Variants in PTPRD observed in about 807,000 individuals in gnomAD.
PTPRD encodes the protein receptor-type tyrosine-protein phosphatase delta.
PTPRD carries 34 observed loss-of-function variants against 214.5 expected under a neutral mutation model. That is an observed-to-expected ratio of 0.16 (90% confidence interval 0.12 to 0.21). PTPRD has a LOEUF of 0.21. PTPRD is among the 10% of genes least tolerant of loss of function. The pLI, the probability that PTPRD is intolerant of heterozygous loss-of-function variation, is 1.00. For missense variants in PTPRD, 2,545 were observed against 2,398.7 expected (o/e 1.06, Z -1.27); for synonymous variants, 1,128 against 845.7 (o/e 1.33, Z -5.79).
intron 3 of PTPRD, among the ~76,000 whole-genome samples, chr9:10,136,373 CG>C (rs1564047692): frequency 6.6e-6 from 1 of 151,988 alleles, no homozygotes; most frequent in African/African-American, 2.4e-5. Context: ...CGACACTTGA[CG>C]AATTGTTCCT....
At chr9:9,516,672 G>C (rs1439244578) in intron 8 of PTPRD, among the ~76,000 whole-genome samples, 1 of 151,956 alleles carries the variant, frequency 6.6e-6, no homozygotes, top group African/African-American at 2.4e-5. Flanking sequence ...TCAGTAGCTG[G>C]GACTACAGGC....
chr9:10,583,708 G>A lies in PTPRD; in HGVS notation c.-600+28690C>T, dbSNP rs368427209. ...TTAGTCAGGATGGTCTCGATCTCCT[G>A]ACCTCGTGATGCGCCTGCCTCGGCC... On this transcript the variant is annotated intron_variant, in intron 2 of 45. Transcript: ENST00000381196. Among the ~76,000 whole-genome samples, 19 of 151,994 alleles carry A rather than the reference G, an allele frequency of 1.3e-4. No individual in the cohort carries two copies. The East Asian group carries it at 2.3e-3, about 19-fold the overall frequency.
At chr9:9,474,076 T>A (rs956075293) in intron 8 of PTPRD, among the ~76,000 whole-genome samples, 1 of 152,058 alleles carries the variant, frequency 6.6e-6, no homozygotes, top group African/African-American at 2.4e-5. Context: ...TTACTTCTAG[T>A]GGTTTTATAG....
intron 10 of PTPRD, among the ~76,000 whole-genome samples, chr9:9,069,532 T>C (rs895465289): frequency 1.3e-5 from 2 of 152,126 alleles, no homozygotes; most frequent in African/African-American, 4.8e-5. Flanking sequence ...AGAGTTATCA[T>C]GATGCTACCT....
chr9:10,378,741 A>G (rs988935494), intron 2 of PTPRD, among the ~76,000 whole-genome samples: 1 of 152,030 alleles, frequency 6.6e-6, no homozygotes, highest in Non-Finnish European at 1.5e-5. Context: ...ATTTGAAGTC[A>G]GGTAATGTGA....
At chr9:8,852,565 G>A (rs568926159) in intron 11 of PTPRD, among the ~76,000 whole-genome samples, 1 of 152,194 alleles carries the variant, frequency 6.6e-6, no homozygotes, top group African/African-American at 2.4e-5. Context: ...TTTGCTCGTC[G>A]CAGGTGAAGA....
rs572366502 is a variant in PTPRD, at chr9:9,753,029, C to T, written c.-326+13781G>A. 5.9e-5 allele frequency among the ~76,000 whole-genome samples: 9 copies of T among 152,192 alleles called. No individual in the cohort carries two copies. In the South Asian group the frequency reaches 1.9e-3, roughly 32 times the overall value. ...ATTAAAACAAGCTGCCCCCTTTTCA[C>T]CTCTGGTGTGCTCTGCTTTTAAGTA... On this transcript the variant is annotated intron_variant, in intron 6 of 45. Coordinates refer to ENST00000381196, the MANE Select transcript of PTPRD (RefSeq NM_002839.4).
chr9:8,622,650 G>C (rs940360412), intron 14 of PTPRD, among the ~76,000 whole-genome samples: 2 of 151,890 alleles, frequency 1.3e-5, no homozygotes, highest in Non-Finnish European at 2.9e-5. Flanking sequence ...TCCTGGACTA[G>C]AGAGAGCTAG....
intron 8 of PTPRD, among the ~76,000 whole-genome samples, chr9:9,436,007 G>C (rs1168294092): frequency 1.3e-5 from 2 of 152,028 alleles, no homozygotes; most frequent in African/African-American, 2.4e-5. Flanking sequence ...TCACTTTCCT[G>C]TAGATATATA....
chr9:8,688,564 CAA>C (rs547442943), intron 12 of PTPRD, among the ~76,000 whole-genome samples: 9 of 75,992 alleles, frequency 1.2e-4, no homozygotes, highest in Admixed American at 1.4e-4. Flanking sequence ...GACTCTGTCT[CAA>C]AAAAAAAAAA....
intron 8 of PTPRD, among the ~76,000 whole-genome samples, chr9:9,417,771 A>G (rs2077421445): frequency 6.6e-6 from 1 of 152,108 alleles, no homozygotes; most frequent in South Asian, 2.1e-4. Context: ...GTCATCTATA[A>G]AATGAGATCA....
At chr9:10,555,982 T>C (rs2062488630) in intron 2 of PTPRD, among the ~76,000 whole-genome samples, 1 of 152,256 alleles carries the variant, frequency 6.6e-6, no homozygotes, top group Non-Finnish European at 1.5e-5. Flanking sequence ...AATAGCATAG[T>C]TGATGAGAAT....
intron 4 of PTPRD, among the ~76,000 whole-genome samples, chr9:10,025,255 A>G (rs1429008635): frequency 6.6e-6 from 1 of 152,142 alleles, no homozygotes; most frequent in African/African-American, 2.4e-5. Flanking sequence ...CAACAGTGTA[A>G]AAGTGTTCCT....
At chr9:9,719,115 C>G (rs1479428243) in intron 7 of PTPRD, among the ~76,000 whole-genome samples, 1 of 152,148 alleles carries the variant, frequency 6.6e-6, no homozygotes, top group Non-Finnish European at 1.5e-5. Flanking sequence ...ACTGACAAAA[C>G]AGCATGCACT....
At chr9:10,033,263 A>G (rs1481685005) in intron 4 of PTPRD, among the ~76,000 whole-genome samples, 1 of 151,874 alleles carries the variant, frequency 6.6e-6, no homozygotes, top group Non-Finnish European at 1.5e-5. Context: ...GAGAGAAACA[A>G]TGCATTGAAA....
chr9:8,316,160 G>T lies in PTPRD; in HGVS notation c.*1714C>A. On this transcript the variant is annotated 3_prime_UTR_variant, in exon 46 of 46. Transcript: ENST00000381196. ...GGGCCCTGATTATCCAAGTGCTTTG[G>T]GCTGGTACAATCACTAACATCCCCG... 1 of 229,892 alleles carries T rather than the reference G, an allele frequency of 4.3e-6. No homozygotes were observed. 14.2% of individuals were successfully genotyped at this position (229,892 alleles called of 1,614,324 possible). A position where few individuals can be genotyped will look rare whatever the true frequency, so the allele number is the denominator to read the frequency against.
chr9:10,299,157 T>C (rs1484793367), intron 3 of PTPRD, among the ~76,000 whole-genome samples: 1 of 152,210 alleles, frequency 6.6e-6, no homozygotes, highest in African/African-American at 2.4e-5. Flanking sequence ...TTTTTTAATA[T>C]TCACATTTTA....
chr9:9,434,355 A>G (rs1467688281), intron 8 of PTPRD, among the ~76,000 whole-genome samples: 1 of 152,144 alleles, frequency 6.6e-6, no homozygotes, highest in Admixed American at 6.5e-5. Flanking sequence ...CTGATAAACG[A>G]AATAGAAGGA....
intron 44 of PTPRD, among the ~76,000 whole-genome samples, chr9:8,331,206 G>GTTTTCTATTCAT (rs1563989714): frequency 6.7e-6 from 1 of 148,818 alleles, no homozygotes; most frequent in African/African-American, 2.6e-5. Context: ...CTATTCATGA[G>GTTTTCTATTCAT]GTTTTCACAA....
Sources: allele counts gnomAD v4.1 joint callset (sites outside exome capture counted in the v4.1 genomes callset), GRCh38; gene constraint gnomAD v4.1.1; transcripts MANE v1.5; gene names NCBI Gene and HGNC (gene_info 2026-07-23, HGNC 2026-07-21).